Variants in WFDC1 observed in about 807,000 individuals in gnomAD.
WFDC1 encodes WAP four-disulfide core domain protein 1.
In WFDC1, 39 loss-of-function variants were observed where a neutral mutation model predicts 32.9. That is an observed-to-expected ratio of 1.19 (90% CI 0.92 to 1.55). The LOEUF (loss-of-function observed/expected upper bound fraction) is 1.55. WFDC1 is among the 40% of genes most tolerant of loss of function. The probability of loss-of-function intolerance (pLI) is 0.00; values close to 1 mark genes in which losing one functional copy is unlikely to be tolerated. For missense variants in WFDC1, 386 were observed against 309.5 expected (o/e 1.25, Z -1.85); for synonymous variants, 184 against 137.4 (o/e 1.34, Z -2.37).
intron 1 of WFDC1, among the ~76,000 whole-genome samples, chr16:84,300,113 C>T (rs919813202): frequency 2.6e-5 from 4 of 152,258 alleles, no homozygotes; most frequent in Non-Finnish European, 5.9e-5. Flanking sequence ...GCTGTGCTTT[C>T]ACCATTCCAT....
In WFDC1 at chr16:84,298,468, G is replaced by C. The variant is rs183696562; in HGVS notation, c.144+3353G>C. ...CGTTTTGCTATTCTCTTGGCTCCTG[G>C]GGTTTTATGTCTTTTGCATCCGTGT... is the stretch of plus-strand genomic sequence containing the variant. On this transcript the variant is annotated intron_variant, in intron 1 of 6. Transcript: ENST00000219454. Among the ~76,000 whole-genome samples, 225 of 152,240 alleles carry C rather than the reference G, an allele frequency of 1.5e-3. 2 individuals are homozygous for C. Among genetic ancestry groups the C allele is most frequent in the Middle Eastern group, 3.4e-3 (1 of 294 alleles).
intron 5 of WFDC1, chr16:84,326,184 T>C (rs1908591664): frequency 6.6e-6 from 1 of 150,972 alleles, no homozygotes; most frequent in Non-Finnish European, 1.5e-5. Context: ...CATGCATCCA[T>C]CCATCCATCA....
chr16:84,303,301 T>G (rs934671677), intron 1 of WFDC1, among the ~76,000 whole-genome samples: 1 of 152,136 alleles, frequency 6.6e-6, no homozygotes, highest in Non-Finnish European at 1.5e-5. Context: ...GCCGCTAAGC[T>G]GCTGGAACTT....
At chr16:84,308,093 G>T (rs1907373009) in intron 1 of WFDC1, among the ~76,000 whole-genome samples, 2 of 152,188 alleles carry the variant, frequency 1.3e-5, no homozygotes, top group South Asian at 4.1e-4. Flanking sequence ...GTAAAAAGAA[G>T]GGTTCTCTGG....
rs543727727 is a variant in WFDC1, at chr16:84,318,348, G to A, written c.414G>A (p.Val138=). The A allele has an allele frequency of 2.5e-6, 4 of 1,614,050 alleles. No individual in the cohort carries two copies. Among genetic ancestry groups the A allele is most frequent in the African/African-American group, 2.7e-5 (2 of 75,052 alleles). Residue 138 remains valine (V), a synonymous_variant, in exon 3 of 7, where the codon GTG becomes GTA. Coordinates refer to ENST00000219454, the MANE Select transcript of WFDC1 (RefSeq NM_021197.4). ...GGCTCCTGGATGGCCCTGAGGAGGT[G>A]TTACAAGGTACCTGCCGGGTAAAGC... ...NGWLLDGPEE[V]LQAEACSTTE... is the part of the protein sequence containing the mutation.
chr16:84,313,384 C>A (rs1033663363), intron 2 of WFDC1, among the ~76,000 whole-genome samples: 4 of 152,136 alleles, frequency 2.6e-5, no homozygotes, highest in Non-Finnish European at 4.4e-5. Context: ...TAGGAGATGC[C>A]CTTCCAGAGA....
At chr16:84,296,173 C>T (rs966361443) in intron 1 of WFDC1, among the ~76,000 whole-genome samples, 1 of 152,178 alleles carries the variant, frequency 6.6e-6, no homozygotes, top group Non-Finnish European at 1.5e-5. Flanking sequence ...AATGCTGGCA[C>T]CCACAGCACC....
intron 5 of WFDC1, among the ~76,000 whole-genome samples, chr16:84,325,010 CCCATTCATCCAT>C (rs1292417396): frequency 6.6e-6 from 1 of 151,890 alleles, no homozygotes; most frequent in Non-Finnish European, 1.5e-5. Flanking sequence ...CATCCATCCA[CCCATTCATCCAT>C]CCATCCACAT....
At chr16:84,327,715 C>G (rs1365004339) in intron 6 of WFDC1, 1 of 152,206 alleles carries the variant, frequency 6.6e-6, no homozygotes, top group Admixed American at 6.5e-5. Flanking sequence ...CAGACTAGGT[C>G]GCAACTTTCC....
chr16:84,321,611 G>A (rs1055050943), intron 4 of WFDC1, among the ~76,000 whole-genome samples: 7 of 152,126 alleles, frequency 4.6e-5, no homozygotes, highest in African/African-American at 9.7e-5. Flanking sequence ...AGTTCTTAAG[G>A]GTTCAAACCA....
chr16:84,324,919 C>G (rs560927896), intron 5 of WFDC1, among the ~76,000 whole-genome samples: 40 of 152,100 alleles, frequency 2.6e-4, no homozygotes, highest in African/African-American at 9.4e-4. Flanking sequence ...ATTCATATAT[C>G]CATCTATTCT....
intron 1 of WFDC1, among the ~76,000 whole-genome samples, chr16:84,306,780 C>CATCATG (rs1160763384): frequency 1.3e-5 from 2 of 152,082 alleles, no homozygotes; most frequent in Non-Finnish European, 2.9e-5. Context: ...TCATCATCAT[C>CATCATG]ATCATCATCA....
rs1908149086 is a variant in WFDC1, at chr16:84,319,235, T to C, written c.422-196T>C. On this transcript the variant is annotated intron_variant, in intron 3 of 6. Coordinates refer to ENST00000219454, the MANE Select transcript of WFDC1 (RefSeq NM_021197.4). ...CTGCCTGTGTTTGTGTGCGTGTTTG[T>C]GGGTGTGCACGTGTGCCACATGCCG... 9.7e-6 allele frequency: 6 copies of C among 620,442 alleles called. No individual in the cohort carries two copies. The South Asian group carries it at 1.3e-4, about 13-fold the overall frequency. The allele number at this position is 620,442 out of a possible 1,614,324, so 38.4% of individuals were successfully genotyped here.
chr16:84,295,383 G>T, intron 1 of WFDC1: 1 of 498,802 alleles, frequency 2.0e-6, no homozygotes, highest in Non-Finnish European at 3.5e-6. Context: ...TGTTACAAAA[G>T]TATGCTTGCT....
chr16:84,326,560 A>G (rs1908613372), intron 5 of WFDC1: 1 of 305,450 alleles, frequency 3.3e-6, no homozygotes, highest in African/African-American at 2.1e-5. Flanking sequence ...AGCCTAAAGA[A>G]TAAGAAATAG....
intron 3 of WFDC1, 33 bp from the exon 4 acceptor site, chr16:84,319,398 C>A (rs1441969508): frequency 5.6e-6 from 9 of 1,601,498 alleles, no homozygotes; most frequent in Non-Finnish European, 7.6e-6. Flanking sequence ...TGGGAGTCGG[C>A]CTTCTAGACC....
chr16:84,298,392 G>A lies in WFDC1; in HGVS notation c.144+3277G>A, dbSNP rs370300996. Among the ~76,000 whole-genome samples, 33 of 152,260 alleles carry A rather than the reference G, an allele frequency of 2.2e-4. No homozygotes were observed. In the East Asian group the frequency reaches 3.1e-3, roughly 14 times the overall value. On this transcript the variant is annotated intron_variant, in intron 1 of 6. Coordinates refer to ENST00000219454, the MANE Select transcript of WFDC1 (RefSeq NM_021197.4). ...TTATAGGTGTGAGCCACCGCACCCAGCCAGGAAATACTTCTTGTTAGAAAT... is the reference window on the plus strand; with the variant it reads ...TTATAGGTGTGAGCCACCGCACCCAACCAGGAAATACTTCTTGTTAGAAAT...
At chr16:84,322,827 G>C (rs1471060922) in intron 4 of WFDC1, among the ~76,000 whole-genome samples, 1 of 152,218 alleles carries the variant, frequency 6.6e-6, no homozygotes, top group African/African-American at 2.4e-5. Context: ...GTAGGTTTGA[G>C]GTCACACAGA....
intron 4 of WFDC1, among the ~76,000 whole-genome samples, chr16:84,319,915 A>G (rs1417308317): frequency 6.6e-6 from 1 of 152,164 alleles, no homozygotes; most frequent in Non-Finnish European, 1.5e-5. Context: ...GTGGGGCGTG[A>G]CTGAAATCAT....
Sources: allele counts gnomAD v4.1 joint callset (sites outside exome capture counted in the v4.1 genomes callset), GRCh38; gene constraint gnomAD v4.1.1; transcripts MANE v1.5; gene names NCBI Gene and HGNC (gene_info 2026-07-23, HGNC 2026-07-21).